RALYL: variants seen among roughly 807,000 people sequenced by gnomAD.
RALYL encodes RNA-binding Raly-like protein.
A neutral mutation model predicts 35.1 loss-of-function variants in RALYL; 29 were observed. The observed-to-expected ratio is 0.83, with a 90% confidence interval of 0.61 to 1.13. The LOEUF is 1.13. Among genes scored for constraint, RALYL ranks in the 50% most tolerant of loss-of-function variants. The pLI, the probability that RALYL is intolerant of heterozygous loss-of-function variation, is 0.00. For missense variants in RALYL, 359 were observed against 360.4 expected, an observed-to-expected ratio of 1.00 and a Z score of 0.03; for synonymous variants, 120 against 127.6, an observed-to-expected ratio of 0.94 and a Z score of 0.40.
chr8:84,686,558 C>G (rs1289374534), intron 2 of RALYL, among the ~76,000 whole-genome samples: 2 of 152,234 alleles, frequency 1.3e-5, no homozygotes, highest in African/African-American at 4.8e-5. Context: ...GTGCATGCCA[C>G]CACGCCCAGC....
chr8:84,454,768 C>T (rs929536157), intron 1 of RALYL, among the ~76,000 whole-genome samples: 1 of 152,072 alleles, frequency 6.6e-6, no homozygotes, highest in African/African-American at 2.4e-5. Context: ...AGAGTCACAA[C>T]TTCTATGGAA....
chr8:84,188,595 C>T (rs548166134), intron 1 of RALYL, among the ~76,000 whole-genome samples: 1 of 152,228 alleles, frequency 6.6e-6, no homozygotes, highest in African/African-American at 2.4e-5. Context: ...TTTGCTAAAT[C>T]ATGATTTTGA....
At chr8:84,278,235 C>T (rs1296447353) in intron 1 of RALYL, among the ~76,000 whole-genome samples, 4 of 152,256 alleles carry the variant, frequency 2.6e-5, no homozygotes, top group African/African-American at 9.6e-5. Flanking sequence ...TTGGGGCTTG[C>T]ACCCTCTGAG....
intron 3 of RALYL, among the ~76,000 whole-genome samples, chr8:84,793,162 G>T (rs1248729634): frequency 6.6e-6 from 1 of 152,184 alleles, no homozygotes; most frequent in Non-Finnish European, 1.5e-5. Flanking sequence ...TGAGTCATCA[G>T]TATATAGATG....
chr8:84,869,502 G>A (rs1485617610), intron 6 of RALYL, among the ~76,000 whole-genome samples: 2 of 152,142 alleles, frequency 1.3e-5, no homozygotes, highest in Non-Finnish European at 2.9e-5. Context: ...GGTAAGGGAG[G>A]TTATATCTAG....
At chr8:84,368,617 A>C (rs776899475) in intron 1 of RALYL, among the ~76,000 whole-genome samples, 7 of 152,198 alleles carry the variant, frequency 4.6e-5, no homozygotes, top group Non-Finnish European at 1.0e-4. Context: ...CTCACGTGGC[A>C]GCAGACAAGA....
At chr8:84,895,699 A>G (rs1037970357) in intron 8 of RALYL, among the ~76,000 whole-genome samples, 1 of 152,060 alleles carries the variant, frequency 6.6e-6, no homozygotes, top group Non-Finnish European at 1.5e-5. Context: ...TTTAGTAGAG[A>G]TGAGGTTTCA....
intron 3 of RALYL, among the ~76,000 whole-genome samples, chr8:84,775,698 C>T (rs1291434443): frequency 1.3e-5 from 2 of 152,114 alleles, no homozygotes; most frequent in African/African-American, 2.4e-5. Flanking sequence ...AGAGATTTAG[C>T]ACCTTTGTTG....
chr8:84,890,326 G>C (rs1843607803), intron 8 of RALYL, among the ~76,000 whole-genome samples: 1 of 152,126 alleles, frequency 6.6e-6, no homozygotes, highest in Non-Finnish European at 1.5e-5. Flanking sequence ...CACAAACTAA[G>C]ATAAGTCAGA....
intron 1 of RALYL, among the ~76,000 whole-genome samples, chr8:84,298,700 T>C (rs1169289497): frequency 6.6e-6 from 1 of 152,114 alleles, no homozygotes; most frequent in Non-Finnish European, 1.5e-5. Flanking sequence ...ATGAAATATT[T>C]TTCCATTTGT....
At chr8:84,271,622 AT>A (rs1208876846) in intron 1 of RALYL, among the ~76,000 whole-genome samples, 1 of 151,988 alleles carries the variant, frequency 6.6e-6, no homozygotes, top group African/African-American at 2.4e-5. Context: ...GGGTGAATAA[AT>A]ATGGTGTATC....
chr8:84,837,123 G>A (rs563453676), intron 4 of RALYL, among the ~76,000 whole-genome samples: 7 of 152,150 alleles, frequency 4.6e-5, no homozygotes, highest in African/African-American at 1.7e-4. Context: ...CTCCTTATAA[G>A]CTCTCATAGA....
intron 2 of RALYL, among the ~76,000 whole-genome samples, chr8:84,717,168 CA>C (rs1458991973): frequency 1.3e-5 from 2 of 152,140 alleles, no homozygotes; most frequent in Non-Finnish European, 2.9e-5. Context: ...ACCTGGGCGA[CA>C]GAGCGGGACT....
intron 2 of RALYL, among the ~76,000 whole-genome samples, chr8:84,675,191 A>G (rs1833958190): frequency 6.6e-6 from 1 of 152,160 alleles, no homozygotes; most frequent in Admixed American, 6.6e-5. Flanking sequence ...TAAGTTGAAT[A>G]TAAACTTGAA....
chr8:84,449,690 G>T (rs1024471818), intron 1 of RALYL, among the ~76,000 whole-genome samples: 1 of 151,888 alleles, frequency 6.6e-6, no homozygotes, highest in African/African-American at 2.4e-5. Context: ...TCTCAACTGA[G>T]AAACATGGAC....
intron 2 of RALYL, among the ~76,000 whole-genome samples, chr8:84,769,083 T>C (rs1386964757): frequency 6.6e-6 from 1 of 152,228 alleles, no homozygotes; most frequent in Non-Finnish European, 1.5e-5. Flanking sequence ...TCATTAAGTC[T>C]AAGCTAGAAA....
intron 1 of RALYL, chr8:84,184,946 C>G: frequency 6.2e-7 from 1 of 1,612,224 alleles, no homozygotes; most frequent in Non-Finnish European, 8.5e-7. Context: ...TTTCCAGAGC[C>G]TTGAGGATGG....
At chr8:84,257,976 A>C (rs1831507855) in intron 1 of RALYL, among the ~76,000 whole-genome samples, 2 of 152,192 alleles carry the variant, frequency 1.3e-5, no homozygotes, top group African/African-American at 4.8e-5. Flanking sequence ...GACAAATAGA[A>C]ATAAAAAAGG....
rs563901756 is a variant in RALYL, at chr8:84,314,226, C to T, written c.-24+129802C>T. Among the ~76,000 whole-genome samples, 15 of 152,184 alleles carry T rather than the reference C, an allele frequency of 9.9e-5. No homozygotes were observed. In the South Asian group the frequency reaches 3.1e-3, roughly 32 times the overall value. ...GAAAGCCACTGCCATGATCCAGTCACCTCCCACCAGATCCCTCCCTTGACA... is the reference window on the plus strand; with the variant it reads ...GAAAGCCACTGCCATGATCCAGTCATCTCCCACCAGATCCCTCCCTTGACA... On this transcript the variant is annotated intron_variant, in intron 1 of 8. Transcript: ENST00000521268.
Sources: gnomAD v4.1 joint callset for allele counts (sites outside exome capture counted in the v4.1 genomes callset) on GRCh38, gnomAD v4.1.1 for gene constraint, MANE v1.5 for transcripts, NCBI Gene and HGNC (gene_info 2026-07-23, HGNC 2026-07-21) for gene names.